The following BBX variants were observed in gnomAD, a reference collection of about 807,000 sequenced individuals.
The protein encoded by BBX is HMG box transcription factor BBX.
Under a neutral mutation model 100.2 loss-of-function variants are expected in BBX, and 30 were observed. The ratio of observed to expected loss-of-function variants is 0.30; its 90% CI spans 0.22 to 0.41. The LOEUF (loss-of-function observed/expected upper bound fraction) is 0.41, where lower values mean the gene tolerates loss of function less well. Ranked by LOEUF, BBX falls within the 10% of genes least tolerant of loss-of-function variation. The pLI is 1.00. For synonymous variants in BBX, 376 were observed against 388.1 expected, an observed-to-expected ratio of 0.97 and a Z score of 0.37; for missense variants, 1,023 against 1,129.8, an observed-to-expected ratio of 0.91 and a Z score of 1.35.
At chr3:107,535,856 C>A (rs750670702) in intron 2 of BBX, among the ~76,000 whole-genome samples, 7 of 152,238 alleles carry the variant, frequency 4.6e-5, no homozygotes, top group South Asian at 2.1e-4. Flanking sequence ...GCCTCAGTCT[C>A]CCAAAGTGCT....
At position 107,692,292 on chromosome 3, in the gene BBX, C is replaced by T. The variant is rs922232922; in HGVS notation, c.-9-18160C>T. ...CATGTGCCATGCTGGTGCGCTGCACCTACTAACTCGTCATCTAGCATTACG... is the reference window on the plus strand; with the variant it reads ...CATGTGCCATGCTGGTGCGCTGCACTTACTAACTCGTCATCTAGCATTACG... On this transcript the variant is annotated intron_variant, in intron 3 of 17. Coordinates refer to ENST00000325805, the MANE Select transcript of BBX (RefSeq NM_001142568.3). Among the ~76,000 whole-genome samples, 12 of 151,888 alleles carry T rather than the reference C, an allele frequency of 7.9e-5. No homozygotes were observed. The East Asian group carries it at 2.3e-3, about 29-fold the overall frequency.
intron 2 of BBX, among the ~76,000 whole-genome samples, chr3:107,615,172 T>C (rs2055155455): frequency 6.6e-6 from 1 of 152,100 alleles, no homozygotes; most frequent in Non-Finnish European, 1.5e-5. Context: ...GTGTTGAGGA[T>C]GGGAAGAAGT....
intron 5 of BBX, among the ~76,000 whole-genome samples, chr3:107,721,246 A>G (rs1263212218): frequency 6.6e-6 from 1 of 152,088 alleles, no homozygotes; most frequent in African/African-American, 2.4e-5. Flanking sequence ...CACAGGAATC[A>G]CTTTATGATC....
intron 13 of BBX, among the ~76,000 whole-genome samples, chr3:107,779,515 T>G (rs2067655649): frequency 6.6e-6 from 1 of 152,086 alleles, no homozygotes; most frequent in African/African-American, 2.4e-5. Flanking sequence ...GCTTTCAAGA[T>G]CAGACTCTAG....
intron 2 of BBX, among the ~76,000 whole-genome samples, chr3:107,635,822 C>A (rs1469045913): frequency 1.3e-5 from 2 of 151,882 alleles, no homozygotes; most frequent in African/African-American, 4.8e-5. Context: ...AGCGATTCTC[C>A]TGCCTCAGCC....
At chr3:107,652,235 G>C (rs546263594) in intron 3 of BBX, among the ~76,000 whole-genome samples, 7 of 152,116 alleles carry the variant, frequency 4.6e-5, no homozygotes, top group Admixed American at 3.9e-4. Context: ...GTACATATGT[G>C]TTTCTGTGTG....
At chr3:107,602,221 T>TA (rs1460740335) in intron 2 of BBX, among the ~76,000 whole-genome samples, 1 of 152,260 alleles carries the variant, frequency 6.6e-6, no homozygotes, top group East Asian at 1.9e-4. Context: ...TTAATGTTGT[T>TA]TTCATGCTGC....
chr3:107,796,409 G>A (rs2069677289), intron 15 of BBX, among the ~76,000 whole-genome samples: 1 of 152,188 alleles, frequency 6.6e-6, no homozygotes, highest in Non-Finnish European at 1.5e-5. Context: ...GGAAGGGGAA[G>A]TAGAAAAGGG....
intron 3 of BBX, among the ~76,000 whole-genome samples, chr3:107,701,035 G>A (rs532514110): frequency 6.6e-6 from 1 of 151,850 alleles, no homozygotes; most frequent in Non-Finnish European, 1.5e-5. Context: ...CACAATGGTT[G>A]TACTAGTTTA....
intron 2 of BBX, among the ~76,000 whole-genome samples, chr3:107,615,646 C>T (rs1401786331): frequency 1.3e-5 from 2 of 152,066 alleles, no homozygotes; most frequent in African/African-American, 2.4e-5. Context: ...ACATTCAGAC[C>T]ATAGCAAGTG....
At chr3:107,596,972 G>A (rs928103552) in intron 2 of BBX, among the ~76,000 whole-genome samples, 1 of 152,110 alleles carries the variant, frequency 6.6e-6, no homozygotes, top group Non-Finnish European at 1.5e-5. Flanking sequence ...CAGTACAGTG[G>A]CCTTTAAACT....
chr3:107,535,953 A>G (rs1283389913), intron 2 of BBX, among the ~76,000 whole-genome samples: 2 of 152,252 alleles, frequency 1.3e-5, no homozygotes, highest in Non-Finnish European at 2.9e-5. Flanking sequence ...TAAAGGAATT[A>G]ACAGTATAAC....
chr3:107,663,057 A>G (rs1312461689), intron 3 of BBX, among the ~76,000 whole-genome samples: 1 of 152,184 alleles, frequency 6.6e-6, no homozygotes, highest in Non-Finnish European at 1.5e-5. Flanking sequence ...GACCCTTTGT[A>G]CCTTCTGCTA....
chr3:107,619,669 A>C (rs2055590546), intron 2 of BBX, among the ~76,000 whole-genome samples: 1 of 151,314 alleles, frequency 6.6e-6, no homozygotes, highest in South Asian at 2.1e-4. Flanking sequence ...TTCATTGGAG[A>C]GTGTCTTTAT....
intron 6 of BBX, among the ~76,000 whole-genome samples, chr3:107,732,529 A>G (rs1048377284): frequency 6.6e-6 from 1 of 152,202 alleles, no homozygotes; most frequent in African/African-American, 2.4e-5. Flanking sequence ...CTGATAGCCT[A>G]TTATTTTAAA....
chr3:107,700,411 C>CATT lies in BBX; in HGVS notation c.-9-10039_-9-10038insTAT, dbSNP rs1491581350. 5.2e-3 allele frequency among the ~76,000 whole-genome samples: 699 copies of CATT among 133,878 alleles called. 5 individuals carry two copies. Among genetic ancestry groups the CATT allele is most frequent in the South Asian group, 9.0e-3 (39 of 4,342 alleles). The allele number at this position is 133,878 out of a possible 152,430, so 87.8% of individuals were successfully genotyped here. The stretch of plus-strand genomic sequence containing the variant: ...AGGAGGCAAAGGTATTTTCTTTCAT[C>CATT]ATCATTATTATTATTATTATTATTA... On this transcript the variant is annotated intron_variant, in intron 3 of 17. Coordinates refer to ENST00000325805, the MANE Select transcript of BBX (RefSeq NM_001142568.3).
At chr3:107,716,967 G>A in intron 5 of BBX, 118 bp downstream of exon 5, 1 of 1,277,766 alleles carries the variant, frequency 7.8e-7, no homozygotes, top group Non-Finnish European at 1.1e-6. Context: ...TCATAAATGA[G>A]ATGTTAAGTA....
At chr3:107,695,061 T>C (rs1390862430) in intron 3 of BBX, among the ~76,000 whole-genome samples, 3 of 147,832 alleles carry the variant, frequency 2.0e-5, no homozygotes, top group Non-Finnish European at 4.5e-5. Flanking sequence ...TCATTTTTTA[T>C]TGTGTCTATT....
At chr3:107,662,272 AAG>A (rs1370706697) in intron 3 of BBX, among the ~76,000 whole-genome samples, 1 of 152,152 alleles carries the variant, frequency 6.6e-6, no homozygotes, top group African/African-American at 2.4e-5. Context: ...GAGATGAGGA[AAG>A]AGAGAGTGGA....
Sources: allele counts gnomAD v4.1 joint callset (sites outside exome capture counted in the v4.1 genomes callset), GRCh38; gene constraint gnomAD v4.1.1; transcripts MANE v1.5; gene names NCBI Gene and HGNC (gene_info 2026-07-23, HGNC 2026-07-21).